Variants in MOCOS observed in about 807,000 individuals in gnomAD.
The protein encoded by MOCOS is molybdenum cofactor sulfurase, also known as human molybdenum cofactor sulfurase.
MOCOS carries 86 observed loss-of-function variants against 83.6 expected under a neutral mutation model. The observed-to-expected ratio is 1.03, with a 90% CI of 0.86 to 1.23. MOCOS has a LOEUF of 1.23. Among genes scored for constraint, MOCOS ranks in the 50% most tolerant of loss-of-function variants. MOCOS has a pLI of 0.00. For missense variants in MOCOS, 1,120 were observed against 1,126.9 expected (o/e 0.99, Z 0.09); for synonymous variants, 445 against 434.7 (o/e 1.02, Z -0.29).
intron 12 of MOCOS, 56 bp downstream of exon 12, chr18:36,257,129 C>A (rs2091644802): frequency 3.5e-6 from 5 of 1,436,270 alleles, no homozygotes; most frequent in Admixed American, 1.7e-5. Context: ...CCACTGGGAG[C>A]AGGGCCTGGC....
intron 12 of MOCOS, among the ~76,000 whole-genome samples, chr18:36,258,797 A>T (rs75662964): frequency 0.013 from 1,975 of 152,282 alleles, 36 homozygotes; most frequent in African/African-American, 0.044. Flanking sequence ...TACAACAGCC[A>T]CCCTTCCTCT....
intron 8 of MOCOS, among the ~76,000 whole-genome samples, chr18:36,216,271 T>A (rs548235353): frequency 5.9e-5 from 9 of 152,302 alleles, no homozygotes; most frequent in Admixed American, 5.9e-4. Flanking sequence ...ATTGTATGTG[T>A]TTATTTGTTT....
intron 9 of MOCOS, among the ~76,000 whole-genome samples, chr18:36,243,851 G>A (rs922069995): frequency 2.6e-5 from 4 of 152,046 alleles, no homozygotes; most frequent in Non-Finnish European, 5.9e-5. Flanking sequence ...TAGGAGGGTT[G>A]TATATTTCCA....
intron 1 of MOCOS, chr18:36,189,904 A>G (rs1358354011): frequency 6.6e-6 from 1 of 152,266 alleles, no homozygotes; most frequent in African/African-American, 2.4e-5. Context: ...TGCAGATGAA[A>G]GAACAGGGGC....
chr18:36,191,151 G>T (rs185496606), intron 1 of MOCOS, among the ~76,000 whole-genome samples: 3 of 151,678 alleles, frequency 2.0e-5, no homozygotes, highest in Non-Finnish European at 2.9e-5. Flanking sequence ...CACCAAGATT[G>T]TAAAGTTTCC....
intron 9 of MOCOS, among the ~76,000 whole-genome samples, chr18:36,225,876 C>G (rs954959802): frequency 6.7e-6 from 1 of 149,194 alleles, no homozygotes; most frequent in African/African-American, 2.5e-5. Flanking sequence ...TTTCTAGTTT[C>G]ATTTCATTGT....
intron 6 of MOCOS, among the ~76,000 whole-genome samples, chr18:36,211,177 C>T (rs576864954): frequency 1.3e-5 from 2 of 152,256 alleles, no homozygotes; most frequent in African/African-American, 2.4e-5. Context: ...TGGTGGCCTT[C>T]GGAAACATCA....
At chr18:36,232,812 A>G (rs2091543285) in intron 9 of MOCOS, among the ~76,000 whole-genome samples, 1 of 151,740 alleles carries the variant, frequency 6.6e-6, no homozygotes, top group African/African-American at 2.4e-5. Flanking sequence ...GTTGCTGCAA[A>G]TAACATAATT....
rs2091693162 is a variant in MOCOS, at chr18:36,269,729, T to C, written c.*1044T>C. 1 of 152,392 alleles carries C rather than the reference T, an allele frequency of 6.6e-6. No homozygotes were observed. Among genetic ancestry groups the C allele is most frequent in the African/African-American group, 2.4e-5 (1 of 41,458 alleles). The allele number at this position is 152,392 out of a possible 1,614,324, so 9.4% of individuals were successfully genotyped here. A position where few individuals can be genotyped will look rare whatever the true frequency, so the allele number is the denominator to read the frequency against. On this transcript the variant is annotated 3_prime_UTR_variant, in exon 15 of 15. Coordinates refer to ENST00000261326, the MANE Select transcript of MOCOS (RefSeq NM_017947.4). Reference sequence around the variant, plus strand: ...GCTGGCGTCCTTCTGAAGCCTGCTGTCCATGTGTGAACCCAGTCCCTTCAT... The same window carrying C: ...GCTGGCGTCCTTCTGAAGCCTGCTGCCCATGTGTGAACCCAGTCCCTTCAT...
chr18:36,222,380 T>C (rs1281031604), intron 9 of MOCOS, among the ~76,000 whole-genome samples: 1 of 152,192 alleles, frequency 6.6e-6, no homozygotes. Flanking sequence ...TTTTCCACAT[T>C]CTCGACAACA....
intron 13 of MOCOS, among the ~76,000 whole-genome samples, chr18:36,260,587 A>G (rs2091660387): frequency 6.6e-6 from 1 of 151,598 alleles, no homozygotes; most frequent in Admixed American, 6.6e-5. Flanking sequence ...ATGGCCACCC[A>G]CTCTTCCACA....
chr18:36,221,725 A>G (rs1433767171), intron 9 of MOCOS, among the ~76,000 whole-genome samples: 1 of 100,350 alleles, frequency 1.0e-5, no homozygotes, highest in Admixed American at 1.2e-4. Flanking sequence ...TTGATATCCC[A>G]TTGTTTTTTT....
intron 9 of MOCOS, among the ~76,000 whole-genome samples, chr18:36,226,452 G>GTT (rs71168205): frequency 5.1e-4 from 77 of 150,668 alleles, no homozygotes; most frequent in Non-Finnish European, 9.8e-4. Context: ...ATACAGTTGG[G>GTT]TTTTTTTTTA....
At chr18:36,224,961 T>C (rs1020805265) in intron 9 of MOCOS, among the ~76,000 whole-genome samples, 1 of 152,226 alleles carries the variant, frequency 6.6e-6, no homozygotes, top group Non-Finnish European at 1.5e-5. Context: ...GCTCAGGCTT[T>C]ATTTTGTTCA....
rs1400225849 is a variant in MOCOS, at chr18:36,253,249, A to G, written c.2164+1966A>G. Among the ~76,000 whole-genome samples the G allele has an allele frequency of 3.7e-4, 57 of 152,216 alleles. 1 individual carries two copies. The highest frequency in any genetic ancestry group is 2.9e-5 in the Non-Finnish European group (2 of 68,046). On this transcript the variant is annotated intron_variant, in intron 11 of 14. Transcript: ENST00000261326. ...GTCTCCGTTGGTGAGATCAATTGCC[A>G]GCAGATAGCAATGCTGCAACGTAAG...
chr18:36,249,047 G>A (rs769963240), intron 10 of MOCOS, 47 bp downstream of exon 10: 4 of 1,513,530 alleles, frequency 2.6e-6, no homozygotes, highest in Non-Finnish European at 1.8e-6. Context: ...TGACAGGCTG[G>A]CACAGAGGGG....
Position 36,215,950 on chromosome 18 carries a change from T to A in MOCOS, c.1770T>A (p.Tyr590Ter). The change falls in exon 8 of 15, where the codon TAT (tyrosine) becomes TAA (stop). Residue 590 changes from tyrosine (Y) to a stop codon, truncating the protein, a stop_gained. Transcript: ENST00000261326. LOFTEE classifies it high-confidence loss of function. ...ATGTTGTCACTAACCTTTATCTCTA[T>A]CCAATCAAATCCTGTGCTGCATTTG... The part of the protein sequence containing the change: ...GPHVVTNLYL[Y>*]PIKSCAAFEV... The A allele has an allele frequency of 1.2e-6, 2 of 1,613,496 alleles. No individual in the cohort carries two copies. The highest frequency in any genetic ancestry group is 1.1e-5 in the South Asian group (1 of 91,086).
intron 6 of MOCOS, among the ~76,000 whole-genome samples, chr18:36,211,661 TC>T (rs2091455966): frequency 1.3e-5 from 2 of 152,022 alleles, no homozygotes; most frequent in Non-Finnish European, 2.9e-5. Flanking sequence ...TGTGTGGGAT[TC>T]CCCAGGGCTG....
chr18:36,189,414 T>C (rs2091356257), intron 1 of MOCOS, among the ~76,000 whole-genome samples: 1 of 152,132 alleles, frequency 6.6e-6, no homozygotes, highest in Non-Finnish European at 1.5e-5. Flanking sequence ...TCTTGGAACA[T>C]GTCCACTTGT....
Sources: gnomAD v4.1 joint callset for allele counts (sites outside exome capture counted in the v4.1 genomes callset) on GRCh38, gnomAD v4.1.1 for gene constraint, MANE v1.5 for transcripts, NCBI Gene and HGNC (gene_info 2026-07-23, HGNC 2026-07-21) for gene names.